XKR4: variants seen among roughly 807,000 people sequenced by gnomAD.
XKR4 encodes XK-related protein 4.
In XKR4, 12 loss-of-function variants were observed where a neutral mutation model predicts 53.9. The ratio of observed to expected loss-of-function variants is 0.22; its 90% confidence interval spans 0.14 to 0.36. The LOEUF (loss-of-function observed/expected upper bound fraction) is 0.36, where lower values mean the gene tolerates loss of function less well. Ranked by LOEUF, XKR4 falls within the 10% of genes least tolerant of loss-of-function variation. The pLI is 1.00. For missense variants in XKR4, 799 were observed against 859.5 expected (o/e 0.93, Z 0.88); for synonymous variants, 354 against 362.4 (o/e 0.98, Z 0.26).
At chr8:55,139,587 T>G (rs117022239) in intron 1 of XKR4, among the ~76,000 whole-genome samples, 1 of 150,658 alleles carries the variant, frequency 6.6e-6, no homozygotes, top group East Asian at 2.0e-4. Flanking sequence ...AACAGATGAC[T>G]CAGAGAACAT....
intron 1 of XKR4, among the ~76,000 whole-genome samples, chr8:55,279,190 C>T (rs1585983257): frequency 1.3e-5 from 2 of 152,140 alleles, no homozygotes; most frequent in Admixed American, 1.3e-4. Context: ...TAACCAGTGA[C>T]GTAGGTTGGG....
chr8:55,244,649 C>A (rs1397836499), intron 1 of XKR4, among the ~76,000 whole-genome samples: 1 of 152,130 alleles, frequency 6.6e-6, no homozygotes, highest in Non-Finnish European at 1.5e-5. Flanking sequence ...ACACTGCTTT[C>A]CATAATGGCA....
rs138691357 is a variant in XKR4, at chr8:55,122,643, G to A, written c.806+19349G>A. Among the ~76,000 whole-genome samples, 281 of 152,256 alleles carry A rather than the reference G, an allele frequency of 1.8e-3. 1 individual carries two copies. The highest frequency in any genetic ancestry group is 6.0e-3 in the African/African-American group (250 of 41,560). The stretch of plus-strand genomic sequence containing the variant: ...GCACGTGTTAAAGAATCACGTTTTC[G>A]TGTGCTTCAAAGGAAAAACAAAGTT... On this transcript the variant is annotated intron_variant, in intron 1 of 2. Transcript: ENST00000327381.
intron 2 of XKR4, among the ~76,000 whole-genome samples, chr8:55,382,347 TTG>T (rs1298250609): frequency 6.6e-6 from 1 of 152,224 alleles, no homozygotes; most frequent in Non-Finnish European, 1.5e-5. Context: ...TCAAAAGCAG[TTG>T]TGCATACATT....
intron 1 of XKR4, among the ~76,000 whole-genome samples, chr8:55,321,094 T>C (rs547829427): frequency 1.8e-4 from 28 of 152,276 alleles, no homozygotes; most frequent in African/African-American, 6.7e-4. Context: ...GTAAGCTTCC[T>C]TGCATCTAGG....
intron 1 of XKR4, among the ~76,000 whole-genome samples, chr8:55,241,685 A>G (rs1297957027): frequency 1.3e-5 from 2 of 152,112 alleles, no homozygotes; most frequent in African/African-American, 4.8e-5. Flanking sequence ...GGTCTCCTTC[A>G]TTATTTCTCA....
At chr8:55,293,569 A>G (rs559523199) in intron 1 of XKR4, among the ~76,000 whole-genome samples, 8 of 152,154 alleles carry the variant, frequency 5.3e-5, no homozygotes, top group Non-Finnish European at 1.2e-4. Flanking sequence ...AACACTTTAT[A>G]TATTATTAAA....
intron 2 of XKR4, among the ~76,000 whole-genome samples, chr8:55,376,954 T>TCA (rs59737150): frequency 0.1 from 14,728 of 145,030 alleles, 1,045 homozygotes; most frequent in African/African-American, 0.21. Flanking sequence ...AAACACACAC[T>TCA]CACACACACA....
chr8:55,490,742 A>AT (rs966788164), intron 2 of XKR4, among the ~76,000 whole-genome samples: 21 of 152,036 alleles, frequency 1.4e-4, no homozygotes, highest in African/African-American at 4.8e-4. Context: ...TACTTTTAAG[A>AT]TTTTTTTCTC....
chr8:55,184,153 G>A (rs1310926016), intron 1 of XKR4, among the ~76,000 whole-genome samples: 1 of 152,070 alleles, frequency 6.6e-6, no homozygotes, highest in African/African-American at 2.4e-5. Context: ...CTTCTTAACA[G>A]CTTACATGGA....
At chr8:55,438,424 A>T (rs1285904677) in intron 2 of XKR4, among the ~76,000 whole-genome samples, 1 of 146,984 alleles carries the variant, frequency 6.8e-6, no homozygotes, top group Non-Finnish European at 1.5e-5. Flanking sequence ...CGTCTCTATT[A>T]AAAAAAAATA....
At chr8:55,312,966 A>T (rs1819408760) in intron 1 of XKR4, among the ~76,000 whole-genome samples, 1 of 152,124 alleles carries the variant, frequency 6.6e-6, no homozygotes, top group South Asian at 2.1e-4. Flanking sequence ...AAGACAAAAC[A>T]TTTGATTAGT....
chr8:55,393,310 G>A lies in XKR4; in HGVS notation c.1006+35433G>A, dbSNP rs147863576. Among the ~76,000 whole-genome samples, 400 of 151,870 alleles carry A rather than the reference G, an allele frequency of 2.6e-3. 2 individuals are homozygous for A. The highest frequency in any genetic ancestry group is 9.0e-3 in the African/African-American group (372 of 41,406). ...ACCACAAAGAATCAAGCAGAAAATC[G>A]TAAAATATGGGATTTCTAAAGGATA... is the stretch of plus-strand genomic sequence containing the variant. On this transcript the variant is annotated intron_variant, in intron 2 of 2. Transcript: ENST00000327381.
chr8:55,465,212 C>T lies in XKR4; in HGVS notation c.1007-58069C>T, dbSNP rs543910551. On this transcript the variant is annotated intron_variant, in intron 2 of 2. Transcript: ENST00000327381. ...TAAGCCAAAAGAACAAAGCTAGAGG[C>T]ATCATGCTACCTGACTTCAAACTAT... Among the ~76,000 whole-genome samples the T allele has an allele frequency of 2.9e-3, 435 of 152,262 alleles. 3 individuals carry two copies. Among genetic ancestry groups the T allele is most frequent in the African/African-American group, 9.9e-3 (411 of 41,510 alleles).
intron 1 of XKR4, among the ~76,000 whole-genome samples, chr8:55,353,058 T>G (rs907159527): frequency 2.0e-5 from 3 of 152,132 alleles, no homozygotes; most frequent in Non-Finnish European, 4.4e-5. Flanking sequence ...GATGGGGACA[T>G]GGGTTTGAAT....
chr8:55,363,687 A>G (rs1803934039), intron 2 of XKR4, among the ~76,000 whole-genome samples: 1 of 151,962 alleles, frequency 6.6e-6, no homozygotes, highest in African/African-American at 2.4e-5. Flanking sequence ...CCTGTGCCCA[A>G]CGCCTTCCTC....
intron 1 of XKR4, among the ~76,000 whole-genome samples, chr8:55,191,170 A>C (rs1240980123): frequency 6.6e-6 from 1 of 152,006 alleles, no homozygotes; most frequent in Non-Finnish European, 1.5e-5. Flanking sequence ...GAGTCTGGAG[A>C]GTCTTCCATG....
chr8:55,141,645 T>TTTCTCTCTCTCTCTCTCTCTC (rs1554562802), intron 1 of XKR4, among the ~76,000 whole-genome samples: 1 of 112,016 alleles, frequency 8.9e-6, no homozygotes, highest in African/African-American at 3.5e-5. Context: ...GTGCTTCTGC[T>TTTCTCTCTCTCTCTCTCTCTC]TCTCTCTCTC....
At chr8:55,332,828 T>G (rs1353367561) in intron 1 of XKR4, among the ~76,000 whole-genome samples, 1 of 151,972 alleles carries the variant, frequency 6.6e-6, no homozygotes, top group African/African-American at 2.4e-5. Context: ...TCTCTCTCTT[T>G]CATTTTTTTT....
Sources: allele counts gnomAD v4.1 joint callset (sites outside exome capture counted in the v4.1 genomes callset), GRCh38; gene constraint gnomAD v4.1.1; transcripts MANE v1.5; gene names NCBI Gene and HGNC (gene_info 2026-07-23, HGNC 2026-07-21).